The following UTRN variants were observed in gnomAD, a reference collection of about 807,000 sequenced individuals.
UTRN encodes dystrophin-related protein 1.
A neutral mutation model predicts 463.9 loss-of-function variants in UTRN; 283 were observed. The ratio of observed to expected loss-of-function variants is 0.61; its 90% CI spans 0.55 to 0.67. The LOEUF (loss-of-function observed/expected upper bound fraction) is 0.67. Ranked by LOEUF, UTRN falls within the 30% of genes least tolerant of loss-of-function variation. UTRN has a pLI of 0.00. For missense variants in UTRN, 3,922 were observed against 4,084.3 expected (o/e 0.96, Z 1.08); for synonymous variants, 1,442 against 1,431.5 (o/e 1.01, Z -0.17).
intron 58 of UTRN, among the ~76,000 whole-genome samples, chr6:144,771,238 T>C (rs946268400): frequency 1.3e-5 from 2 of 152,150 alleles, no homozygotes; most frequent in Non-Finnish European, 1.5e-5. Flanking sequence ...AAGATTTCAT[T>C]TGTGTTTTTA....
intron 34 of UTRN, among the ~76,000 whole-genome samples, chr6:144,504,076 G>T (rs954458723): frequency 6.6e-6 from 1 of 152,068 alleles, no homozygotes; most frequent in Non-Finnish European, 1.5e-5. Flanking sequence ...GTGATTTTTT[G>T]CACATTGATT....
At chr6:144,417,019 C>T (rs530836194) in intron 3 of UTRN, among the ~76,000 whole-genome samples, 2 of 152,222 alleles carry the variant, frequency 1.3e-5, no homozygotes, top group South Asian at 4.2e-4. Flanking sequence ...TATTTTTATT[C>T]ATAGATGACT....
At chr6:144,610,500 A>G (rs1040228134) in intron 51 of UTRN, among the ~76,000 whole-genome samples, 2 of 152,208 alleles carry the variant, frequency 1.3e-5, no homozygotes, top group Non-Finnish European at 2.9e-5. Flanking sequence ...TTAATGAAGA[A>G]CTAATACCAA....
At chr6:144,384,521 G>A (rs1343580426) in intron 2 of UTRN, among the ~76,000 whole-genome samples, 6 of 151,840 alleles carry the variant, frequency 4.0e-5, no homozygotes, top group Admixed American at 1.3e-4. Context: ...TCACAAAACC[G>A]GTTCCTTTTT....
chr6:144,513,880 A>G (rs374878013), intron 35 of UTRN, 29 bp from the exon 36 acceptor site: 10 of 1,607,682 alleles, frequency 6.2e-6, no homozygotes, highest in Non-Finnish European at 7.6e-6. Context: ...TCATATGGTT[A>G]TGTAAGCATT....
At chr6:144,749,274 T>TA (rs1381861706) in intron 55 of UTRN, among the ~76,000 whole-genome samples, 11 of 152,232 alleles carry the variant, frequency 7.2e-5, no homozygotes, top group Admixed American at 5.9e-4. Flanking sequence ...CAGATAAAAA[T>TA]AAGTACTGAA....
intron 46 of UTRN, among the ~76,000 whole-genome samples, chr6:144,543,136 C>T (rs1375243497): frequency 3.3e-5 from 5 of 152,102 alleles, no homozygotes; most frequent in South Asian, 2.1e-4. Context: ...CAGGTCCTGC[C>T]GAAGGGAAGA....
intron 38 of UTRN, 99 bp downstream of exon 38, chr6:144,516,486 A>C: frequency 7.7e-7 from 1 of 1,304,750 alleles, no homozygotes; most frequent in South Asian, 1.5e-5. Flanking sequence ...TCTGTCAAAC[A>C]TGATGAAACA....
intron 9 of UTRN, among the ~76,000 whole-genome samples, chr6:144,431,208 G>A (rs1213925163): frequency 6.6e-6 from 1 of 152,060 alleles, no homozygotes; most frequent in Non-Finnish European, 1.5e-5. Flanking sequence ...ATTTTATTTA[G>A]TTCTTATAGT....
rs764143185 is a variant in UTRN at position 144,548,697 on chromosome 6, A to G, written c.6653A>G (p.Gln2218Arg). The G allele has an allele frequency of 1.2e-6, 2 of 1,613,958 alleles. No homozygotes were observed. Among genetic ancestry groups the G allele is most frequent in the African/African-American group, 1.3e-5 (1 of 74,934 alleles). ...TCATCTGCGTCAGATATTCCTGTTC[A>G]GTCTCATCGTACTTCGGAAATTTCA... ...LVSSASDIPV[Q>R]SHRTSEISIP... The change falls in exon 47 of 75, where the codon CAG becomes CGG. Residue 2218 changes from glutamine to arginine, a missense_variant. Physicochemically the swap from Gln to Arg is conservative, Grantham distance 43. This residue lies in a region of UTRN where 2,349 missense variants were observed against 2,303.8 expected (regional missense o/e 1.02). Coordinates refer to ENST00000367545, the MANE Select transcript of UTRN (RefSeq NM_007124.3).
intron 2 of UTRN, among the ~76,000 whole-genome samples, chr6:144,320,087 C>T (rs1042447512): frequency 3.3e-5 from 5 of 149,582 alleles, no homozygotes; most frequent in African/African-American, 9.9e-5. Context: ...CTCCTGACCT[C>T]GTGATCCGCC....
intron 46 of UTRN, among the ~76,000 whole-genome samples, chr6:144,544,047 C>CT (rs1182241596): frequency 6.6e-6 from 1 of 152,102 alleles, no homozygotes; most frequent in African/African-American, 2.4e-5. Context: ...GGTTATCTTA[C>CT]TTTTTAAAAC....
intron 54 of UTRN, among the ~76,000 whole-genome samples, chr6:144,732,711 ATGTTATG>A (rs1788868905): frequency 6.7e-6 from 1 of 150,288 alleles, no homozygotes; most frequent in Non-Finnish European, 1.5e-5. Flanking sequence ...ATGTTATGTT[ATGTTATG>A]TTATGTTATT....
At chr6:144,297,004 T>C (rs1031396591) in intron 2 of UTRN, among the ~76,000 whole-genome samples, 1 of 152,160 alleles carries the variant, frequency 6.6e-6, no homozygotes, top group Non-Finnish European at 1.5e-5. Flanking sequence ...GGGTGGAAGA[T>C]AGAGAAATGG....
intron 2 of UTRN, among the ~76,000 whole-genome samples, chr6:144,390,151 G>T (rs1781779273): frequency 6.6e-6 from 1 of 152,108 alleles, no homozygotes; most frequent in Non-Finnish European, 1.5e-5. Flanking sequence ...ATAAAATTTT[G>T]TCTCTTAAGA....
chr6:144,501,160 C>G (rs1182237634), intron 34 of UTRN, among the ~76,000 whole-genome samples: 1 of 152,094 alleles, frequency 6.6e-6, no homozygotes, highest in Admixed American at 6.5e-5. Context: ...GTGATCATGC[C>G]ATGAGCAGTG....
chr6:144,290,379 G>T (rs184587948), intron 1 of UTRN, among the ~76,000 whole-genome samples: 1 of 152,072 alleles, frequency 6.6e-6, no homozygotes, highest in African/African-American at 2.4e-5. Flanking sequence ...TTTTCAAGAC[G>T]CTGACAGTTT....
chr6:144,672,784 A>G (rs1424200056), intron 51 of UTRN, among the ~76,000 whole-genome samples: 3 of 151,840 alleles, frequency 2.0e-5, no homozygotes, highest in African/African-American at 4.8e-5. Context: ...GTGCTCTTTC[A>G]GACTTTTTGG....
At chr6:144,845,596 G>T (rs1478802264) in intron 73 of UTRN, among the ~76,000 whole-genome samples, 2 of 152,186 alleles carry the variant, frequency 1.3e-5, no homozygotes, top group African/African-American at 2.4e-5. Context: ...GAGCAAAATG[G>T]ATTAGACTTC....
Sources: gnomAD v4.1 joint callset for allele counts (sites outside exome capture counted in the v4.1 genomes callset) on GRCh38, gnomAD v4.1.1 for gene constraint, gnomAD v4.1.1 regional missense constraint, MANE v1.5 for transcripts, NCBI Gene and HGNC (gene_info 2026-07-23, HGNC 2026-07-21) for gene names.